Variants in ZC3H12C observed in about 807,000 individuals in gnomAD.
ZC3H12C encodes probable ribonuclease ZC3H12C.
Under a neutral mutation model 76.3 loss-of-function variants are expected in ZC3H12C, and 20 were observed. The ratio of observed to expected loss-of-function variants is 0.26; its 90% CI spans 0.18 to 0.38. The LOEUF is 0.38. ZC3H12C is among the 10% of genes least tolerant of loss of function. ZC3H12C has a pLI of 1.00. For synonymous variants in ZC3H12C, 352 were observed against 399.6 expected (o/e 0.88, Z 1.42); for missense variants, 874 against 1,086.5 (o/e 0.80, Z 2.75).
chr11:110,166,503 AT>A lies in ZC3H12C; in HGVS notation c.*767del, dbSNP rs1323501468. On this transcript the variant is annotated 3_prime_UTR_variant, in exon 6 of 6. Coordinates refer to ENST00000278590, the MANE Select transcript of ZC3H12C (RefSeq NM_033390.2). ...AAATGTTTCCATTTTTTAAAAATGAATAAGGCAAAAGCTGTAACTGTTACAG... is the reference window on the plus strand; with the variant it reads ...AAATGTTTCCATTTTTTAAAAATGAAAAGGCAAAAGCTGTAACTGTTACAG... 9 of 152,226 alleles carry A rather than the reference AT, an allele frequency of 5.9e-5. No homozygotes were observed. The highest frequency in any genetic ancestry group is 1.9e-4 in the African/African-American group (8 of 41,456). 9.4% of individuals were successfully genotyped at this position (152,226 alleles called of 1,614,324 possible). A position where few individuals can be genotyped will look rare whatever the true frequency, so the allele number is the denominator to read the frequency against.
At chr11:110,153,670 C>G (rs1012697981) in intron 3 of ZC3H12C, among the ~76,000 whole-genome samples, 2 of 152,108 alleles carry the variant, frequency 1.3e-5, no homozygotes, top group Admixed American at 6.5e-5. Flanking sequence ...TTGCCCTTCA[C>G]TAGCTATGAA....
Position 110,152,839 on chromosome 11 carries a change from ACT to A in ZC3H12C, c.774-79_774-78del, listed in dbSNP as rs374620633. Reference sequence around the variant, plus strand: ...CTTATTACTGTTGTAACTATGTAATACTTTCTGTTTATAAACTTGAATTAATT... The same window carrying A: ...CTTATTACTGTTGTAACTATGTAATATTCTGTTTATAAACTTGAATTAATT... On this transcript the variant is annotated intron_variant, in intron 2 of 5. Coordinates refer to ENST00000278590, the MANE Select transcript of ZC3H12C (RefSeq NM_033390.2). The A allele has an allele frequency of 3.4e-6, 5 of 1,481,000 alleles. No individual in the cohort carries two copies. The African/African-American group carries it at 7.0e-5, about 21-fold the overall frequency. 91.7% of individuals were successfully genotyped at this position (1,481,000 alleles called of 1,614,324 possible). A position where few individuals can be genotyped will look rare whatever the true frequency, so the allele number is the denominator to read the frequency against.
intron 1 of ZC3H12C, among the ~76,000 whole-genome samples, chr11:110,126,982 G>A (rs1861760734): frequency 6.6e-6 from 1 of 152,120 alleles, no homozygotes; most frequent in South Asian, 2.1e-4. Flanking sequence ...TAAATATAAA[G>A]GTATATTTTT....
chr11:110,163,175 A>G, intron 4 of ZC3H12C, 98 bp from the exon 5 acceptor site: 1 of 1,074,176 alleles, frequency 9.3e-7, no homozygotes, highest in Non-Finnish European at 1.3e-6. Flanking sequence ...AAATTGCAAA[A>G]AAAATTCCTT....
chr11:110,133,341 C>T (rs1354306622), intron 1 of ZC3H12C, among the ~76,000 whole-genome samples: 1 of 152,132 alleles, frequency 6.6e-6, no homozygotes, highest in Non-Finnish European at 1.5e-5. Flanking sequence ...TTCTGTTTAG[C>T]CTCTTGTTTT....
At chr11:110,112,788 A>T (rs1414096816) in intron 1 of ZC3H12C, among the ~76,000 whole-genome samples, 2 of 152,190 alleles carry the variant, frequency 1.3e-5, no homozygotes, top group Admixed American at 1.3e-4. Context: ...GCAGAGAATT[A>T]TGGGATGGAA....
At chr11:110,116,539 G>GC (rs1861529394) in intron 1 of ZC3H12C, among the ~76,000 whole-genome samples, 1 of 152,128 alleles carries the variant, frequency 6.6e-6, no homozygotes, top group Admixed American at 6.5e-5. Context: ...CACAGTTAAA[G>GC]CTTTTGCCTG....
At position 110,167,994 on chromosome 11, in the gene ZC3H12C, G is replaced by A. The variant is rs988131217; in HGVS notation, c.*2257G>A. On this transcript the variant is annotated 3_prime_UTR_variant, in exon 6 of 6. Transcript: ENST00000278590. ...AGTCATATTCTAAGACTTCTTTTTAGTATGAAATCACTTTTAAATTATACA... is the reference window on the plus strand; with the variant it reads ...AGTCATATTCTAAGACTTCTTTTTAATATGAAATCACTTTTAAATTATACA... 2.0e-5 allele frequency: 3 copies of A among 152,116 alleles called. No individual in the cohort carries two copies. Among genetic ancestry groups the A allele is most frequent in the Admixed American group, 6.5e-5 (1 of 15,272 alleles). The allele number at this position is 152,116 out of a possible 1,614,324, so 9.4% of individuals were successfully genotyped here.
chr11:110,164,716 C>T lies in ZC3H12C; in HGVS notation c.1631C>T (p.Ser544Phe). 4 of 1,614,064 alleles carry T rather than the reference C, an allele frequency of 2.5e-6. No homozygotes were observed. Among genetic ancestry groups the T allele is most frequent in the Non-Finnish European group, 3.4e-6 (4 of 1,179,902 alleles). ...STTSLSNGLP[S>F]GVHFPPQDQR... ...ACATCTTTAAGCAATGGCCTTCCAT[C>T]TGGAGTTCATTTCCCACCTCAGGAT... The change falls in exon 6 of 6, where the codon TCT (serine) becomes TTT (phenylalanine). Residue 544 changes from serine (S) to phenylalanine (F), a missense_variant. This residue lies in a region of ZC3H12C where 395 missense variants were observed against 434.4 expected (regional missense o/e 0.91). Transcript: ENST00000278590. The surrounding 1 kb of genome is among the most constrained non-coding windows in gnomAD (Gnocchi z 5.7).
intron 1 of ZC3H12C, among the ~76,000 whole-genome samples, chr11:110,110,130 C>T (rs955683822): frequency 5.9e-5 from 9 of 151,992 alleles, no homozygotes; most frequent in African/African-American, 1.9e-4. Flanking sequence ...GAGTTTAATG[C>T]CATCTCATTA....
At chr11:110,097,140 CTG>C (rs1204964793) in intron 1 of ZC3H12C, among the ~76,000 whole-genome samples, 1 of 152,176 alleles carries the variant, frequency 6.6e-6, no homozygotes, top group African/African-American at 2.4e-5. Flanking sequence ...AAATTTCTCT[CTG>C]TTTAATTATT....
chr11:110,162,915 A>T (rs148841081), intron 4 of ZC3H12C, among the ~76,000 whole-genome samples: 7 of 152,130 alleles, frequency 4.6e-5, no homozygotes, highest in African/African-American at 1.2e-4. Context: ...CACCTGCAGC[A>T]GTCCATTTCA....
intron 1 of ZC3H12C, among the ~76,000 whole-genome samples, chr11:110,103,739 G>A (rs1350083253): frequency 6.6e-6 from 1 of 151,772 alleles, no homozygotes; most frequent in African/African-American, 2.4e-5. Context: ...CCCAGTAGCT[G>A]GGACTACAGG....
rs570057749 is a variant in ZC3H12C at position 110,145,602 on chromosome 11, GGC to G, written c.774-7315_774-7314del. Among the ~76,000 whole-genome samples the G allele has an allele frequency of 5.7e-4, 79 of 138,960 alleles. 1 individual carries two copies. Among genetic ancestry groups the G allele is most frequent in the Middle Eastern group, 4.1e-3 (1 of 244 alleles). The allele number at this position is 138,960 out of a possible 152,430, so 91.2% of individuals were successfully genotyped here. A position where few individuals can be genotyped will look rare whatever the true frequency, so the allele number is the denominator to read the frequency against. On this transcript the variant is annotated intron_variant, in intron 2 of 5. Transcript: ENST00000278590. ...TCTACAACAAATTACAGAAATTGGG[GGC>G]GGGGGGGAGTTGCAGTGACTCTAGT...
At chr11:110,129,104 G>A (rs1050128198) in intron 1 of ZC3H12C, among the ~76,000 whole-genome samples, 5 of 152,082 alleles carry the variant, frequency 3.3e-5, no homozygotes, top group African/African-American at 1.2e-4. Context: ...ACCCTTAGCA[G>A]AAGAAAGAAT....
chr11:110,111,697 ATT>A (rs11387069), intron 1 of ZC3H12C, among the ~76,000 whole-genome samples: 522 of 131,950 alleles, frequency 4.0e-3, no homozygotes, highest in African/African-American at 0.013. Context: ...GGCCTGACTG[ATT>A]TTTTTTTTTT....
At chr11:110,115,748 C>CTTTTTTTTTTTTTTTTTTTTTTTT (rs71476067) in intron 1 of ZC3H12C, among the ~76,000 whole-genome samples, 3 of 120,320 alleles carry the variant, frequency 2.5e-5, no homozygotes, top group Non-Finnish European at 5.1e-5. Context: ...TTCTCATTTT[C>CTTTTTTTTTTTTTTTTTTTTTTTT]TTTTTTTTTT....
intron 1 of ZC3H12C, among the ~76,000 whole-genome samples, chr11:110,097,585 T>C (rs1043178259): frequency 6.6e-6 from 1 of 152,208 alleles, no homozygotes; most frequent in African/African-American, 2.4e-5. Context: ...ACTACCTGCT[T>C]ATGAAGAGGT....
chr11:110,105,307 T>G (rs1049684048), intron 1 of ZC3H12C, among the ~76,000 whole-genome samples: 1 of 152,166 alleles, frequency 6.6e-6, no homozygotes, highest in Admixed American at 6.5e-5. Context: ...AATTTTGATG[T>G]AATTTTAAAT....
Sources: allele counts gnomAD v4.1 joint callset (sites outside exome capture counted in the v4.1 genomes callset), GRCh38; gene constraint gnomAD v4.1.1; regional missense constraint gnomAD v4.1.1; non-coding constraint Gnocchi (gnomAD v3.1); transcripts MANE v1.5; gene names NCBI Gene and HGNC (gene_info 2026-07-23, HGNC 2026-07-21).